Variants in UNC80 observed in about 807,000 individuals in gnomAD.
The protein encoded by UNC80 is unc-80 subunit of NALCN channel complex.
In UNC80, 164 loss-of-function variants were observed where a neutral mutation model predicts 384.6. The observed-to-expected ratio is 0.43, with a 90% CI of 0.38 to 0.49. The LOEUF is 0.49. UNC80 is among the 20% of genes least tolerant of loss of function. The pLI is 0.00. For missense variants in UNC80, 3,330 were observed against 4,143.0 expected (o/e 0.80, Z 5.39); for synonymous variants, 1,486 against 1,527.8 (o/e 0.97, Z 0.64).
At chr2:209,992,288 T>C in intron 62 of UNC80, 41 bp downstream of exon 62, 2 of 1,525,992 alleles carry the variant, frequency 1.3e-6, no homozygotes, top group Non-Finnish European at 1.8e-6. Context: ...ATCCTACGAA[T>C]TGGAAGCTCT....
chr2:209,959,854 C>T (rs1025494866), intron 51 of UNC80, 147 bp downstream of exon 51: 35 of 719,480 alleles, frequency 4.9e-5, no homozygotes, highest in African/African-American at 4.8e-4. Flanking sequence ...ACACATCATA[C>T]AGAACCCTCT....
At chr2:209,788,512 C>CATACT (rs1239617404) in intron 5 of UNC80, among the ~76,000 whole-genome samples, 3 of 146,988 alleles carry the variant, frequency 2.0e-5, no homozygotes, top group African/African-American at 7.4e-5. Flanking sequence ...CTTTTTAATA[C>CATACT]ATACTATACA....
intron 7 of UNC80, among the ~76,000 whole-genome samples, chr2:209,794,252 T>G (rs576824400): frequency 3.3e-5 from 5 of 152,342 alleles, no homozygotes; most frequent in African/African-American, 7.2e-5. Flanking sequence ...CATAGGAATT[T>G]AAAAGTCTAT....
At chr2:209,959,348 A>G in intron 50 of UNC80, 141 bp from the exon 51 acceptor site, 1 of 1,071,208 alleles carries the variant, frequency 9.3e-7, no homozygotes, top group Non-Finnish European at 1.3e-6. Context: ...TATCCTTCGG[A>G]TGAGGTTCTC....
In UNC80 at chr2:209,772,378, A is replaced by G. The variant is rs2076624404; in HGVS notation, c.92+214A>G. 2.0e-5 allele frequency among the ~76,000 whole-genome samples: 3 copies of G among 150,700 alleles called. No individual in the cohort carries two copies. In the South Asian group the frequency reaches 6.4e-4, roughly 32 times the overall value. Reference sequence around the variant, plus strand: ...ATTTCAGTGAAGTTTGACGACAAGCAGATTGGCAGTTGTCGCATAAATGTA... The same window carrying G: ...ATTTCAGTGAAGTTTGACGACAAGCGGATTGGCAGTTGTCGCATAAATGTA... On this transcript the variant is annotated intron_variant, in intron 1 of 64. Coordinates refer to ENST00000673920, the MANE Select transcript of UNC80 (RefSeq NM_001371986.1).
At chr2:209,985,201 T>C (rs1345082993) in intron 61 of UNC80, among the ~76,000 whole-genome samples, 1 of 152,204 alleles carries the variant, frequency 6.6e-6, no homozygotes, top group Non-Finnish European at 1.5e-5. Flanking sequence ...GTCTAAAAAG[T>C]CTGGTATGCC....
Position 209,948,925 on chromosome 2 carries a change from C to T in UNC80, c.7286+2982C>T, listed in dbSNP as rs181670635. Among the ~76,000 whole-genome samples, 112 of 152,102 alleles carry T rather than the reference C, an allele frequency of 7.4e-4. 1 individual carries two copies. The highest frequency in any genetic ancestry group is 2.6e-3 in the African/African-American group (108 of 41,524). ...TCTTATTGATGGATAATGAATATTA[C>T]CAAATGTTCCTCTCTATTTATAGAG... On this transcript the variant is annotated intron_variant, in intron 47 of 64. Transcript: ENST00000673920.
chr2:209,970,206 C>T, intron 53 of UNC80: 2 of 313,272 alleles, frequency 6.4e-6, no homozygotes, highest in East Asian at 6.2e-5. Context: ...GCACAATTGG[C>T]TAGAAGTTGA....
Position 209,995,517 on chromosome 2 carries a change from G to A in UNC80, c.9897G>A (p.Pro3299=), listed in dbSNP as rs1404826380. The change falls in exon 65 of 65, where the codon CCG becomes CCA. Residue 3299 remains proline, a synonymous_variant. Coordinates refer to ENST00000673920, the MANE Select transcript of UNC80 (RefSeq NM_001371986.1). ...GTGAGGAAAATGGCATGGAGAACCCGCTACTATCTAGTCAGTTCACCTTTA... is the reference window on the plus strand; with the variant it reads ...GTGAGGAAAATGGCATGGAGAACCCACTACTATCTAGTCAGTTCACCTTTA... ...HISEENGMEN[P]LLSSQFTFTP... is the part of the protein sequence containing the mutation. 7.7e-6 allele frequency: 12 copies of A among 1,551,750 alleles called. No homozygotes were observed. The highest frequency in any genetic ancestry group is 2.0e-5 in the Admixed American group (1 of 50,972).
chr2:209,791,017 TA>T, intron 6 of UNC80, among the ~76,000 whole-genome samples: 1 of 152,332 alleles, frequency 6.6e-6, no homozygotes, highest in East Asian at 1.9e-4. Context: ...CATATTATGT[TA>T]TACTTAATCC....
At chr2:209,827,340 C>A (rs1359465449) in intron 14 of UNC80, among the ~76,000 whole-genome samples, 2 of 151,984 alleles carry the variant, frequency 1.3e-5, no homozygotes, top group Non-Finnish European at 2.9e-5. Context: ...ACATAATAAA[C>A]AAACATAATA....
rs375983212 is a variant in UNC80, at chr2:209,855,780, ATTATGT to A, written c.3627+6160_3627+6165del. 5.3e-4 allele frequency among the ~76,000 whole-genome samples: 81 copies of A among 152,180 alleles called. 1 individual carries two copies. In the East Asian group the frequency reaches 0.014, roughly 26 times the overall value. On this transcript the variant is annotated intron_variant, in intron 22 of 64. Transcript: ENST00000673920. ...CTATCCTCTTTCTTATTTGTTTAAC[ATTATGT>A]TTGAGTTCCTCCTTGTTGATGCATT...
rs2084409305 is a variant in UNC80 at position 209,872,750 on chromosome 2, C to G, written c.3628-8C>G. The G allele has an allele frequency of 1.9e-6, 3 of 1,551,110 alleles. No homozygotes were observed. The highest frequency in any genetic ancestry group is 1.4e-5 in the African/African-American group (1 of 73,144). ...CCACATTATTCTTTCCTAAACAACC[C>G]TACACAGGAAGCCCCTGTGGTGGCC... On this transcript the variant is annotated splice_polypyrimidine_tract_variant and splice_region_variant and intron_variant, in intron 22 of 64. Transcript: ENST00000673920. This position sits in a 1 kb window ranked among gnomAD's most constrained non-coding sequence, Gnocchi z 4.1.
chr2:209,994,036 C>T, intron 63 of UNC80, 29 bp from the exon 64 acceptor site: 1 of 1,527,942 alleles, frequency 6.5e-7, no homozygotes, highest in South Asian at 1.2e-5. Flanking sequence ...CAACTCCTCC[C>T]CAATTTACTG....
At chr2:209,891,147 A>G (rs746355088) in intron 26 of UNC80, among the ~76,000 whole-genome samples, 2 of 152,210 alleles carry the variant, frequency 1.3e-5, no homozygotes, top group Non-Finnish European at 2.9e-5. Flanking sequence ...GAAAACACAC[A>G]ATATTTAAAA....
chr2:209,809,339 G>A, intron 7 of UNC80: 1 of 823,434 alleles, frequency 1.2e-6, no homozygotes, highest in Admixed American at 1.8e-5. Flanking sequence ...TGCGAAACCT[G>A]CGGGAAGGCC....
intron 61 of UNC80, among the ~76,000 whole-genome samples, chr2:209,987,806 C>T (rs941906582): frequency 3.3e-5 from 5 of 151,862 alleles, no homozygotes; most frequent in African/African-American, 9.7e-5. Context: ...TATAGTGGAA[C>T]CCATCTCATG....
At chr2:209,776,932 A>T (rs2076897927) in intron 3 of UNC80, among the ~76,000 whole-genome samples, 3 of 152,174 alleles carry the variant, frequency 2.0e-5, no homozygotes, top group African/African-American at 7.2e-5. Context: ...ACTCCTATAG[A>T]GGGACCTTTC....
chr2:209,867,444 G>A lies in UNC80; in HGVS notation c.3628-5314G>A, dbSNP rs576357267. On this transcript the variant is annotated intron_variant, in intron 22 of 64. Coordinates refer to ENST00000673920, the MANE Select transcript of UNC80 (RefSeq NM_001371986.1). ...GGGGGCATGGAATTAGCCCATTCTC[G>A]GTGCTCCAAACTTGTATGAGAATGT... 6.6e-5 allele frequency among the ~76,000 whole-genome samples: 10 copies of A among 152,016 alleles called. No individual in the cohort carries two copies. The South Asian group carries it at 1.0e-3, about 16-fold the overall frequency.
Sources: gnomAD v4.1 joint callset for allele counts (sites outside exome capture counted in the v4.1 genomes callset) on GRCh38, gnomAD v4.1.1 for gene constraint, Gnocchi (gnomAD v3.1) non-coding constraint, MANE v1.5 for transcripts, NCBI Gene and HGNC (gene_info 2026-07-23, HGNC 2026-07-21) for gene names.